The following TUSC3 variants were observed in gnomAD, a reference collection of about 807,000 sequenced individuals.
TUSC3 encodes dolichyl-diphosphooligosaccharide--protein glycosyltransferase subunit TUSC3.
TUSC3 carries 45 observed loss-of-function variants against 44.8 expected under a neutral mutation model. The ratio of observed to expected loss-of-function variants is 1.00; its 90% CI spans 0.79 to 1.29. The LOEUF is 1.29. Among genes scored for constraint, TUSC3 ranks in the 50% most tolerant of loss-of-function variants. TUSC3 has a pLI of 0.00. For synonymous variants in TUSC3, 212 were observed against 152.9 expected, an observed-to-expected ratio of 1.39 and a Z score of -2.85; for missense variants, 519 against 437.9, an observed-to-expected ratio of 1.19 and a Z score of -1.65.
intron 2 of TUSC3, among the ~76,000 whole-genome samples, chr8:15,502,803 T>C (rs193142030): frequency 7.2e-5 from 11 of 152,348 alleles, no homozygotes; most frequent in Admixed American, 6.5e-4. Context: ...TTAGATCCCA[T>C]ATTTTTATCA....
intron 6 of TUSC3, among the ~76,000 whole-genome samples, chr8:15,710,212 C>T (rs902691501): frequency 2.0e-5 from 3 of 151,824 alleles, no homozygotes; most frequent in African/African-American, 7.3e-5. Context: ...TTGTCTGTTT[C>T]TCCACCCTTC....
At chr8:15,440,247 T>C (rs572137809) in intron 1 of TUSC3, among the ~76,000 whole-genome samples, 21 of 152,134 alleles carry the variant, frequency 1.4e-4, no homozygotes, top group African/African-American at 4.8e-4. Context: ...TTACGGGCAG[T>C]GGAAACAACA....
chr8:15,653,432 T>C (rs1385370516), intron 3 of TUSC3, among the ~76,000 whole-genome samples: 2 of 152,248 alleles, frequency 1.3e-5, no homozygotes, highest in East Asian at 3.8e-4. Context: ...TGTAGGCTGC[T>C]GGTATATAAT....
chr8:15,463,325 G>T (rs1004267959), intron 1 of TUSC3, among the ~76,000 whole-genome samples: 1 of 152,096 alleles, frequency 6.6e-6, no homozygotes, highest in Non-Finnish European at 1.5e-5. Context: ...TCATCACTAT[G>T]AATCACATCA....
At chr8:15,822,857 G>A in the TUSC3 span, among the ~76,000 whole-genome samples, 5 of 152,018 alleles carry the variant, frequency 3.3e-5, no homozygotes, top group Admixed American at 1.3e-4. Flanking sequence ...AGTGACCTTC[G>A]CAGTATCAGT....
the TUSC3 span, among the ~76,000 whole-genome samples, chr8:15,830,059 T>C: frequency 6.6e-6 from 1 of 152,186 alleles, no homozygotes; most frequent in African/African-American, 2.4e-5. Context: ...ATGTGGAGCA[T>C]TTTTTAATGT....
intron 1 of TUSC3, among the ~76,000 whole-genome samples, chr8:15,582,125 C>T (rs1347378434): frequency 4.6e-5 from 7 of 152,200 alleles, no homozygotes; most frequent in Non-Finnish European, 1.0e-4. Context: ...TCCCTGACCC[C>T]TTGCGCTTCC....
chr8:15,475,531 TG>T (rs1800563028), intron 1 of TUSC3, among the ~76,000 whole-genome samples: 1 of 152,170 alleles, frequency 6.6e-6, no homozygotes, highest in African/African-American at 2.4e-5. Flanking sequence ...AGATAAACAT[TG>T]AGATCAGAAA....
chr8:15,798,611 C>T, the TUSC3 span, among the ~76,000 whole-genome samples: 11 of 150,136 alleles, frequency 7.3e-5, no homozygotes, highest in African/African-American at 2.5e-4. Context: ...AAAGGAACTG[C>T]AAATTTGTTC....
At chr8:15,715,464 CA>C (rs1162918502) in intron 6 of TUSC3, among the ~76,000 whole-genome samples, 2 of 152,022 alleles carry the variant, frequency 1.3e-5, no homozygotes, top group African/African-American at 4.8e-5. Flanking sequence ...GTAGCATGTA[CA>C]GTGTGGATAT....
chr8:15,685,320 ACT>A (rs139572122), intron 6 of TUSC3, among the ~76,000 whole-genome samples: 4,913 of 151,026 alleles, frequency 0.033, 224 homozygotes, highest in African/African-American at 0.11. Flanking sequence ...GTGCCCAGCG[ACT>A]CTGAGTGGCT....
At chr8:15,670,541 G>A (rs1451297868) in intron 5 of TUSC3, among the ~76,000 whole-genome samples, 2 of 151,726 alleles carry the variant, frequency 1.3e-5, no homozygotes, top group Non-Finnish European at 2.9e-5. Context: ...TACACAAGAG[G>A]AATCGTGAAT....
intron 9 of TUSC3, among the ~76,000 whole-genome samples, chr8:15,749,033 A>G (rs1419468660): frequency 1.3e-5 from 2 of 152,174 alleles, no homozygotes; most frequent in African/African-American, 2.4e-5. Context: ...AAAGCACACT[A>G]CAGAAGAGGT....
At chr8:15,747,114 T>C (rs1008400700) in intron 8 of TUSC3, among the ~76,000 whole-genome samples, 28 of 152,074 alleles carry the variant, frequency 1.8e-4, no homozygotes, top group Admixed American at 6.6e-5. Flanking sequence ...TGCATAAAAA[T>C]TGACACATTT....
intron 1 of TUSC3, among the ~76,000 whole-genome samples, chr8:15,444,162 A>G (rs1800060119): frequency 6.6e-6 from 1 of 152,134 alleles, no homozygotes; most frequent in Admixed American, 6.6e-5. Flanking sequence ...AACATAAAGT[A>G]CTCCAGCTGC....
At chr8:15,476,691 C>T (rs1234669170) in intron 1 of TUSC3, among the ~76,000 whole-genome samples, 1 of 152,172 alleles carries the variant, frequency 6.6e-6, no homozygotes, top group Non-Finnish European at 1.5e-5. Flanking sequence ...AACAAAAGTA[C>T]CCTCCACAGG....
the TUSC3 span, among the ~76,000 whole-genome samples, chr8:15,801,775 A>G: frequency 2.6e-5 from 4 of 152,168 alleles, no homozygotes; most frequent in Admixed American, 1.3e-4. Flanking sequence ...TCCTGATACC[A>G]TGGGATGAGT....
chr8:15,552,440 TAATG>T, intron 1 of TUSC3, among the ~76,000 whole-genome samples: 2 of 151,902 alleles, frequency 1.3e-5, no homozygotes, highest in Middle Eastern at 6.8e-3. Flanking sequence ...CAGGCAGTTA[TAATG>T]TAATATAAGA....
In TUSC3 at chr8:15,522,335, C is replaced by T. The variant is rs532677392; in HGVS notation, n.189+38852C>T. 2.0e-5 allele frequency among the ~76,000 whole-genome samples: 3 copies of T among 152,006 alleles called. No homozygotes were observed. In the East Asian group the frequency reaches 5.8e-4, roughly 30 times the overall value. On this transcript the variant is annotated intron_variant and non_coding_transcript_variant, in intron 2 of 5. Transcript: ENST00000503191. ...GCAACCTCTGCCTCCCGGGTTCAAG[C>T]AATTCTTGTGCCTAAGCCTCCCAGG...
Sources: allele counts gnomAD v4.1 joint callset (sites outside exome capture counted in the v4.1 genomes callset), GRCh38; gene constraint gnomAD v4.1.1; transcripts MANE v1.5; gene names NCBI Gene and HGNC (gene_info 2026-07-23, HGNC 2026-07-21).